SORCS2: variants seen among roughly 807,000 people sequenced by gnomAD.
SORCS2 encodes the protein sortilin related VPS10 domain containing receptor 2.
A neutral mutation model predicts 141.6 loss-of-function variants in SORCS2; 100 were observed. The observed-to-expected ratio is 0.71, with a 90% CI of 0.60 to 0.83. SORCS2 has a LOEUF of 0.83. Among genes scored for constraint, SORCS2 ranks in the 40% least tolerant of loss-of-function variants. The probability of loss-of-function intolerance (pLI) is 0.00; values close to 1 mark genes in which losing one functional copy is unlikely to be tolerated. For synonymous variants in SORCS2, 789 were observed against 676.9 expected (o/e 1.17, Z -2.57); for missense variants, 1,646 against 1,560.2 (o/e 1.05, Z -0.93).
At chr4:7,473,752 T>C (rs896886250) in intron 2 of SORCS2, among the ~76,000 whole-genome samples, 1 of 142,960 alleles carries the variant, frequency 7.0e-6, no homozygotes, top group Non-Finnish European at 1.5e-5. Flanking sequence ...AATGGGGAGG[T>C]GGGAGGGTGG....
intron 3 of SORCS2, among the ~76,000 whole-genome samples, chr4:7,635,436 C>G (rs1167560947): frequency 1.3e-5 from 2 of 152,188 alleles, no homozygotes; most frequent in Non-Finnish European, 2.9e-5. Context: ...CCACTTAAGA[C>G]CAATCACTCT....
chr4:7,367,473 A>G (rs1253089840), intron 1 of SORCS2, among the ~76,000 whole-genome samples: 1 of 152,204 alleles, frequency 6.6e-6, no homozygotes, highest in Non-Finnish European at 1.5e-5. Flanking sequence ...TCGGTGCTGC[A>G]GGGTGGTTGT....
chr4:7,339,729 T>C (rs1048202387), intron 1 of SORCS2, among the ~76,000 whole-genome samples: 21 of 151,656 alleles, frequency 1.4e-4, no homozygotes, highest in African/African-American at 4.8e-4. Context: ...GGTTAGGACT[T>C]CAACATAGGA....
chr4:7,294,040 G>C (rs955400333), intron 1 of SORCS2, among the ~76,000 whole-genome samples: 2 of 152,136 alleles, frequency 1.3e-5, no homozygotes, highest in Non-Finnish European at 2.9e-5. Flanking sequence ...GGCTCTAGTG[G>C]CGTGTCCTAC....
rs547030671 is a variant in SORCS2, at chr4:7,310,027, G to T, written c.481-86261G>T. 6.6e-5 allele frequency among the ~76,000 whole-genome samples: 10 copies of T among 152,364 alleles called. No individual in the cohort carries two copies. In the South Asian group the frequency reaches 1.0e-3, roughly 16 times the overall value. ...GGCTATGAGTTTTCCATTCTGAAAG[G>T]CTTCTTAGAGAAGGGTAAGGAATGG... On this transcript the variant is annotated intron_variant, in intron 1 of 26. Transcript: ENST00000507866.
At chr4:7,735,800 G>C (rs1712116387) in intron 25 of SORCS2, among the ~76,000 whole-genome samples, 1 of 152,286 alleles carries the variant, frequency 6.6e-6, no homozygotes, top group Non-Finnish European at 1.5e-5. Context: ...AGGTGCCCAG[G>C]TCAGGAATCC....
rs147627258 is a variant in SORCS2 at position 7,259,164 on chromosome 4, C to T, written c.480+66038C>T. On this transcript the variant is annotated intron_variant, in intron 1 of 26. Transcript: ENST00000507866. ...CTTTTCTCTGTTTTGGCTTTTGTTGCCACCGTTTCTTTAAATTCTATTAAC... is the reference window on the plus strand; with the variant it reads ...CTTTTCTCTGTTTTGGCTTTTGTTGTCACCGTTTCTTTAAATTCTATTAAC... Among the ~76,000 whole-genome samples the T allele has an allele frequency of 7.1e-3, 1,082 of 152,250 alleles. 12 individuals carry two copies. Among genetic ancestry groups the T allele is most frequent in the African/African-American group, 0.024 (1,007 of 41,534 alleles).
Position 7,704,292 on chromosome 4 carries a change from CG to C in SORCS2, c.1868+12del. 6.2e-7 allele frequency: 1 copy of C among 1,600,040 alleles called. No homozygotes were observed. Among genetic ancestry groups the C allele is most frequent in the Non-Finnish European group, 8.5e-7 (1 of 1,173,128 alleles). On this transcript the variant is annotated intron_variant, in intron 14 of 26. Coordinates refer to ENST00000507866, the MANE Select transcript of SORCS2 (RefSeq NM_020777.3). ...CGAGACGCTGGTCATGACGTGAGTG[CG>C]GGGACCGGGGAGTGGGCACTGGTGG...
intron 2 of SORCS2, among the ~76,000 whole-genome samples, chr4:7,479,139 G>C (rs748760631): frequency 2.0e-5 from 3 of 151,856 alleles, no homozygotes; most frequent in Non-Finnish European, 4.4e-5. Context: ...GGCAGAGTCG[G>C]GAGGAGCCAA....
chr4:7,473,028 A>G (rs1360792275), intron 2 of SORCS2, among the ~76,000 whole-genome samples: 1 of 152,030 alleles, frequency 6.6e-6, no homozygotes, highest in African/African-American at 2.4e-5. Context: ...GGGGTTTTGC[A>G]TGCTAGACAC....
chr4:7,355,444 ATATT>A (rs1434010319), intron 1 of SORCS2, among the ~76,000 whole-genome samples: 4 of 152,300 alleles, frequency 2.6e-5, no homozygotes, highest in Non-Finnish European at 4.4e-5. Context: ...TATGCTATAA[ATATT>A]TATTTTTTTT....
intron 3 of SORCS2, among the ~76,000 whole-genome samples, chr4:7,595,517 C>G (rs1327475696): frequency 3.3e-5 from 5 of 152,106 alleles, no homozygotes; most frequent in Non-Finnish European, 7.4e-5. Flanking sequence ...AAAGCTGTCT[C>G]CACCACTCCC....
At chr4:7,220,274 G>A (rs947403683) in intron 1 of SORCS2, among the ~76,000 whole-genome samples, 5 of 152,018 alleles carry the variant, frequency 3.3e-5, no homozygotes, top group Admixed American at 1.3e-4. Flanking sequence ...TGGGGGAGGG[G>A]GTGGGGGACG....
At chr4:7,666,351 G>A (rs956812725) in intron 7 of SORCS2, among the ~76,000 whole-genome samples, 6 of 152,126 alleles carry the variant, frequency 3.9e-5, no homozygotes, top group African/African-American at 1.4e-4. Flanking sequence ...GAAGGTGGGG[G>A]CCACCGACTC....
intron 2 of SORCS2, among the ~76,000 whole-genome samples, chr4:7,523,480 C>T (rs1231432057): frequency 2.0e-5 from 3 of 152,116 alleles, no homozygotes; most frequent in African/African-American, 4.8e-5. Flanking sequence ...GCCGGGAGAT[C>T]TGTGTGGGCT....
intron 2 of SORCS2, among the ~76,000 whole-genome samples, chr4:7,463,847 C>T (rs773991999): frequency 1.3e-5 from 2 of 152,156 alleles, no homozygotes; most frequent in Non-Finnish European, 2.9e-5. Flanking sequence ...GAATTGGTTT[C>T]CCAGCTGTCA....
intron 3 of SORCS2, among the ~76,000 whole-genome samples, chr4:7,552,295 T>C (rs929945012): frequency 5.9e-5 from 9 of 152,226 alleles, no homozygotes; most frequent in Non-Finnish European, 1.3e-4. Context: ...ATTTTCCTGG[T>C]CATGGCTGGA....
intron 3 of SORCS2, among the ~76,000 whole-genome samples, chr4:7,587,673 G>A (rs973284407): frequency 7.2e-5 from 11 of 152,170 alleles, no homozygotes; most frequent in Non-Finnish European, 1.0e-4. Context: ...GCCTCCCAGG[G>A]GAGGTAGGGG....
intron 18 of SORCS2, among the ~76,000 whole-genome samples, chr4:7,718,404 G>A (rs1726347003): frequency 6.6e-6 from 1 of 152,172 alleles, no homozygotes; most frequent in Non-Finnish European, 1.5e-5. Flanking sequence ...AAGGAGAATA[G>A]AGTAGGACGT....
Sources: gnomAD v4.1 joint callset for allele counts (sites outside exome capture counted in the v4.1 genomes callset) on GRCh38, gnomAD v4.1.1 for gene constraint, MANE v1.5 for transcripts, NCBI Gene and HGNC (gene_info 2026-07-23, HGNC 2026-07-21) for gene names.